FBXO8: variants seen among roughly 807,000 people sequenced by gnomAD.
The protein encoded by FBXO8 is F-box protein 8.
In FBXO8, 15 loss-of-function variants were observed where a neutral mutation model predicts 33.4. That is an observed-to-expected ratio of 0.45 (90% CI 0.30 to 0.69). FBXO8 has a LOEUF of 0.69. Among genes scored for constraint, FBXO8 ranks in the 30% least tolerant of loss-of-function variants. The pLI is 0.08. For synonymous variants in FBXO8, 132 were observed against 131.5 expected (o/e 1.00, Z -0.02); for missense variants, 274 against 380.3 (o/e 0.72, Z 2.32).
rs969779627 is a variant in FBXO8, at chr4:174,257,313, T to C, written c.456+2386A>G. Among the ~76,000 whole-genome samples the C allele has an allele frequency of 1.8e-4, 27 of 152,188 alleles. No individual in the cohort carries two copies. The highest frequency in any genetic ancestry group is 3.7e-4 in the Non-Finnish European group (25 of 68,030). ...TTTATAATTTGTTTAAAAATTGGCA[T>C]TCCTTTAGCAAGGAAAGACTACTTA... On this transcript the variant is annotated intron_variant, in intron 3 of 5. Transcript: ENST00000393674. This position sits in a 1 kb window ranked among gnomAD's most constrained non-coding sequence, Gnocchi z 4.3.
chr4:174,261,855 T>C lies in FBXO8; in HGVS notation c.329+909A>G, dbSNP rs1736571315. ...TTCTAGTTTGAAATTATAGGAAGTCTTAAAAAGATATTTGTTTTTAGTTAT... is the reference window on the plus strand; with the variant it reads ...TTCTAGTTTGAAATTATAGGAAGTCCTAAAAAGATATTTGTTTTTAGTTAT... On this transcript the variant is annotated intron_variant, in intron 2 of 5. Coordinates refer to ENST00000393674, the MANE Select transcript of FBXO8 (RefSeq NM_012180.3). This position sits in a 1 kb window ranked among gnomAD's most constrained non-coding sequence, Gnocchi z 4.1. Among the ~76,000 whole-genome samples, 1 of 152,088 alleles carries C rather than the reference T, an allele frequency of 6.6e-6. No individual in the cohort carries two copies. Among genetic ancestry groups the C allele is most frequent in the African/African-American group, 2.4e-5 (1 of 41,462 alleles).
chr4:174,268,304 T>A (rs1318946719), intron 1 of FBXO8, among the ~76,000 whole-genome samples: 1 of 152,230 alleles, frequency 6.6e-6, no homozygotes, highest in African/African-American at 2.4e-5. Flanking sequence ...TGTGAACTCA[T>A]GGCCAACCGC....
In FBXO8 at chr4:174,251,532, C is replaced by T. The variant is rs1736284966; in HGVS notation, c.456+8167G>A. Among the ~76,000 whole-genome samples, 1 of 151,960 alleles carries T rather than the reference C, an allele frequency of 6.6e-6. No individual in the cohort carries two copies. The highest frequency in any genetic ancestry group is 2.4e-5 in the African/African-American group (1 of 41,382). ...TGTAAACTAAAGTTGTCCTAAAAGGCAAAGGGTAAAGCTGCCTTCTTAACC... is the reference window on the plus strand; with the variant it reads ...TGTAAACTAAAGTTGTCCTAAAAGGTAAAGGGTAAAGCTGCCTTCTTAACC... On this transcript the variant is annotated intron_variant, in intron 3 of 5. Coordinates refer to ENST00000393674, the MANE Select transcript of FBXO8 (RefSeq NM_012180.3). This position sits in a 1 kb window ranked among gnomAD's most constrained non-coding sequence, Gnocchi z 4.2.
rs1579045084 is a variant in FBXO8, at chr4:174,283,137, G to T, written c.-9+273C>A. ...TCAGGTTTATTTCACAATGACGCTG[G>T]GTTACTACTTGGAGTCCTAAACCGA... On this transcript the variant is annotated intron_variant, in intron 1 of 5. Transcript: ENST00000393674. The surrounding 1 kb of genome is among the most constrained non-coding windows in gnomAD (Gnocchi z 6.7). 1.3e-5 allele frequency among the ~76,000 whole-genome samples: 2 copies of T among 152,172 alleles called. No homozygotes were observed. The highest frequency in any genetic ancestry group is 3.9e-4 in the East Asian group (2 of 5,168).
In FBXO8 at chr4:174,251,154, A is replaced by G. The variant is rs1166825061; in HGVS notation, c.456+8545T>C. 2.0e-5 allele frequency among the ~76,000 whole-genome samples: 3 copies of G among 152,168 alleles called. No homozygotes were observed. Among genetic ancestry groups the G allele is most frequent in the African/African-American group, 7.2e-5 (3 of 41,438 alleles). On this transcript the variant is annotated intron_variant, in intron 3 of 5. Transcript: ENST00000393674. The surrounding 1 kb of genome is among the most constrained non-coding windows in gnomAD (Gnocchi z 4.2). ...TTTAATATTAAAAATTTAAAAATGT[A>G]TCCTAGGATGAAGACATTTTCCACT... is the stretch of plus-strand genomic sequence containing the variant.
intron 1 of FBXO8, among the ~76,000 whole-genome samples, chr4:174,273,108 C>G (rs140935944): frequency 1.3e-5 from 2 of 151,798 alleles, no homozygotes; most frequent in South Asian, 4.2e-4. Flanking sequence ...GGCAACATAG[C>G]GAGACCCTGT....
rs1735967691 is a variant in FBXO8 at position 174,239,120 on chromosome 4, C to A, written c.646G>T (p.Glu216Ter). ...GGGGCATGGATATGACGAAAAAATT[C>A]TCTCAGTGCATTTGGCAAGAACTGA... is the stretch of plus-strand genomic sequence containing the variant. Reference protein sequence around the residue: ...RNQFLPNALREFFRHIHAPEE... With the variant: ...RNQFLPNALR Residue 216 changes from glutamate (E) to a stop codon, truncating the protein, a stop_gained, in exon 5 of 6, where the codon GAA becomes TAA. Coordinates refer to ENST00000393674, the MANE Select transcript of FBXO8 (RefSeq NM_012180.3). LOFTEE classifies it high-confidence loss of function. 6.2e-7 allele frequency: 1 copy of A among 1,604,704 alleles called. No individual in the cohort carries two copies. Among genetic ancestry groups the A allele is most frequent in the African/African-American group, 1.3e-5 (1 of 74,330 alleles).
In FBXO8 at chr4:174,237,395, CCTAGCAATTGTG is replaced by C; in HGVS notation, c.*5_*16del. ...TTTAGTCTGAAGTAAAAACTGAAGT[CCTAGCAATTGTG>C]CTTTTTATGCAGCCACATGGCCAAT... is the stretch of plus-strand genomic sequence containing the variant. On this transcript the variant is annotated 3_prime_UTR_variant, in exon 6 of 6. Coordinates refer to ENST00000393674, the MANE Select transcript of FBXO8 (RefSeq NM_012180.3). This position sits in a 1 kb window ranked among gnomAD's most constrained non-coding sequence, Gnocchi z 4.4. The C allele has an allele frequency of 6.2e-7, 1 of 1,602,658 alleles. No individual in the cohort carries two copies. Among genetic ancestry groups the C allele is most frequent in the Non-Finnish European group, 8.5e-7 (1 of 1,172,786 alleles).
chr4:174,259,505 G>A lies in FBXO8; in HGVS notation c.456+194C>T, dbSNP rs1454640668. 3.3e-5 allele frequency among the ~76,000 whole-genome samples: 5 copies of A among 152,030 alleles called. No individual in the cohort carries two copies. Among genetic ancestry groups the A allele is most frequent in the Non-Finnish European group, 7.4e-5 (5 of 67,930 alleles). On this transcript the variant is annotated intron_variant, in intron 3 of 5. Coordinates refer to ENST00000393674, the MANE Select transcript of FBXO8 (RefSeq NM_012180.3). The surrounding 1 kb of genome is among the most constrained non-coding windows in gnomAD (Gnocchi z 4.3). Reference sequence around the variant, plus strand: ...CTACATAAAGTGAACAGGTAGAAAGGTTAGAACGTGACATGGTAAGGCGAA... The same window carrying A: ...CTACATAAAGTGAACAGGTAGAAAGATTAGAACGTGACATGGTAAGGCGAA...
intron 1 of FBXO8, among the ~76,000 whole-genome samples, chr4:174,266,165 C>T (rs559021991): frequency 1.3e-4 from 20 of 152,158 alleles, no homozygotes; most frequent in Middle Eastern, 6.8e-3. Flanking sequence ...ATGGGGATCA[C>T]TTAAATTGAA....
At chr4:174,248,843 T>G (rs556767929) in intron 3 of FBXO8, among the ~76,000 whole-genome samples, 1 of 152,140 alleles carries the variant, frequency 6.6e-6, no homozygotes, top group East Asian at 1.9e-4. Flanking sequence ...TATATACACC[T>G]GAAATTATCT....
At position 174,267,110 on chromosome 4, in the gene FBXO8, A is replaced by G. The variant is rs1736712300; in HGVS notation, c.-8-4010T>C. ...CTTGTAAATCCAATTCTTTTATATC[A>G]ATGACCCAGCAACAACAACAAAAAA... On this transcript the variant is annotated intron_variant, in intron 1 of 5. Coordinates refer to ENST00000393674, the MANE Select transcript of FBXO8 (RefSeq NM_012180.3). This position sits in a 1 kb window ranked among gnomAD's most constrained non-coding sequence, Gnocchi z 4.7. 6.6e-6 allele frequency among the ~76,000 whole-genome samples: 1 copy of G among 152,190 alleles called. No homozygotes were observed. The highest frequency in any genetic ancestry group is 1.5e-5 in the Non-Finnish European group (1 of 68,028).
rs1208783817 is a variant in FBXO8, at chr4:174,267,165, CTT to C, written c.-8-4067_-8-4066del. Among the ~76,000 whole-genome samples the C allele has an allele frequency of 6.6e-6, 1 of 152,198 alleles. No homozygotes were observed. The highest frequency in any genetic ancestry group is 2.4e-5 in the African/African-American group (1 of 41,444). ...AGAAAACAAAAAAAGGCTGTGTTGT[CTT>C]TCACAGAAAATTTTAAAACTCAGCA... On this transcript the variant is annotated intron_variant, in intron 1 of 5. Transcript: ENST00000393674. The surrounding 1 kb of genome is among the most constrained non-coding windows in gnomAD (Gnocchi z 4.7).
rs2126409630 is a variant in FBXO8 at position 174,237,388 on chromosome 4, C to A, written c.*24G>T. 6.3e-7 allele frequency: 1 copy of A among 1,596,584 alleles called. No individual in the cohort carries two copies. Among genetic ancestry groups the A allele is most frequent in the Non-Finnish European group, 8.6e-7 (1 of 1,169,210 alleles). On this transcript the variant is annotated 3_prime_UTR_variant, in exon 6 of 6. Coordinates refer to ENST00000393674, the MANE Select transcript of FBXO8 (RefSeq NM_012180.3). The surrounding 1 kb of genome is among the most constrained non-coding windows in gnomAD (Gnocchi z 4.4). Reference sequence around the variant, plus strand: ...GGGTAGCTTTAGTCTGAAGTAAAAACTGAAGTCCTAGCAATTGTGCTTTTT... The same window carrying A: ...GGGTAGCTTTAGTCTGAAGTAAAAAATGAAGTCCTAGCAATTGTGCTTTTT...
Position 174,255,682 on chromosome 4 carries a change from T to G in FBXO8, c.456+4017A>C, listed in dbSNP as rs1736399105. ...TTACACAAACAAAAATAAGCCTATA[T>G]TAAAGTTAAACCATGTTCACTACCA... On this transcript the variant is annotated intron_variant, in intron 3 of 5. Coordinates refer to ENST00000393674, the MANE Select transcript of FBXO8 (RefSeq NM_012180.3). This position sits in a 1 kb window ranked among gnomAD's most constrained non-coding sequence, Gnocchi z 4.3. Among the ~76,000 whole-genome samples the G allele has an allele frequency of 6.6e-6, 1 of 152,036 alleles. No individual in the cohort carries two copies. The highest frequency in any genetic ancestry group is 2.4e-5 in the African/African-American group (1 of 41,402).
At chr4:174,240,451 G>A (rs186927338) in intron 4 of FBXO8, among the ~76,000 whole-genome samples, 34 of 151,830 alleles carry the variant, frequency 2.2e-4, no homozygotes, top group African/African-American at 7.9e-4. Flanking sequence ...ACATTAGCAC[G>A]AGAGCTATAA....
Position 174,254,653 on chromosome 4 carries a change from C to A in FBXO8, c.456+5046G>T, listed in dbSNP as rs993617396. Among the ~76,000 whole-genome samples, 1 of 152,142 alleles carries A rather than the reference C, an allele frequency of 6.6e-6. No individual in the cohort carries two copies. On this transcript the variant is annotated intron_variant, in intron 3 of 5. Transcript: ENST00000393674. The surrounding 1 kb of genome is among the most constrained non-coding windows in gnomAD (Gnocchi z 4.2). The stretch of plus-strand genomic sequence containing the variant: ...CTTACCCTTACTGTCCAAAGTAATA[C>A]TTCCCTTTCCAAATCAGATGGTAAT...
intron 3 of FBXO8, among the ~76,000 whole-genome samples, chr4:174,258,747 T>C (rs1050076574): frequency 6.6e-6 from 1 of 152,060 alleles, no homozygotes; most frequent in African/African-American, 2.4e-5. Context: ...TATTTTTATA[T>C]GCATACGTAT....
At position 174,237,699 on chromosome 4, in the gene FBXO8, A is replaced by T; in HGVS notation, c.773-100T>A. 1.0e-6 allele frequency: 1 copy of T among 1,002,698 alleles called. No homozygotes were observed. Among genetic ancestry groups the T allele is most frequent in the Non-Finnish European group, 1.4e-6 (1 of 692,418 alleles). 62.1% of individuals were successfully genotyped at this position (1,002,698 alleles called of 1,614,324 possible). ...AAAATGTTCATAATTTCAAGATATC[A>T]AGATTAGCTCATAAATACAGAGTGA... On this transcript the variant is annotated intron_variant, in intron 5 of 5. Coordinates refer to ENST00000393674, the MANE Select transcript of FBXO8 (RefSeq NM_012180.3). This position sits in a 1 kb window ranked among gnomAD's most constrained non-coding sequence, Gnocchi z 4.4.
Sources: gnomAD v4.1 joint callset for allele counts (sites outside exome capture counted in the v4.1 genomes callset) on GRCh38, gnomAD v4.1.1 for gene constraint, Gnocchi (gnomAD v3.1) non-coding constraint, MANE v1.5 for transcripts, NCBI Gene and HGNC (gene_info 2026-07-23, HGNC 2026-07-21) for gene names.